BRD10: variants seen among roughly 807,000 people sequenced by gnomAD.
The protein encoded by BRD10 is uncharacterized bromodomain-containing protein 10.
the BRD10 span, among the ~76,000 whole-genome samples, chr9:5,907,759 C>A: frequency 1.3e-5 from 2 of 152,158 alleles, no homozygotes; most frequent in Non-Finnish European, 2.9e-5. Flanking sequence ...TCGAGACCAG[C>A]CTGGCAAACA....
At chr9:5,900,439 C>G in the BRD10 span, among the ~76,000 whole-genome samples, 1 of 152,158 alleles carries the variant, frequency 6.6e-6, no homozygotes, top group Admixed American at 6.5e-5. Flanking sequence ...GTTTGGAGAT[C>G]AGCAGTCTAA....
chr9:5,906,489 C>T, the BRD10 span, among the ~76,000 whole-genome samples: 1 of 152,220 alleles, frequency 6.6e-6, no homozygotes, highest in African/African-American at 2.4e-5. Context: ...CAAGGCAGGT[C>T]TACTGGCAAT....
chr9:5,903,024 T>C, the BRD10 span, among the ~76,000 whole-genome samples: 2 of 152,358 alleles, frequency 1.3e-5, no homozygotes, highest in South Asian at 2.1e-4. Flanking sequence ...TGATATCATA[T>C]TTTAATTTCA....
chr9:5,949,517 G>T, the BRD10 span, among the ~76,000 whole-genome samples: 1 of 152,206 alleles, frequency 6.6e-6, no homozygotes, highest in African/African-American at 2.4e-5. Flanking sequence ...TTAAGGATCA[G>T]TGAGTTTTTT....
the BRD10 span, among the ~76,000 whole-genome samples, chr9:5,954,865 C>T: frequency 6.6e-6 from 1 of 152,018 alleles, no homozygotes; most frequent in African/African-American, 2.4e-5. Context: ...CCAAGGCAGG[C>T]GGATCACCAG....
chr9:5,944,895 A>T, the BRD10 span: 1 of 1,540,000 alleles, frequency 6.5e-7, no homozygotes, highest in Non-Finnish European at 8.8e-7. Flanking sequence ...TGTTTTCCAG[A>T]TCTTTGAGTT....
chr9:5,975,845 G>A, the BRD10 span, among the ~76,000 whole-genome samples: 4 of 152,122 alleles, frequency 2.6e-5, no homozygotes, highest in Admixed American at 6.6e-5. Flanking sequence ...CAGTAATAAT[G>A]GTTAGTTTGG....
chr9:5,937,477 G>GT, the BRD10 span, among the ~76,000 whole-genome samples: 1 of 152,178 alleles, frequency 6.6e-6, no homozygotes, highest in Non-Finnish European at 1.5e-5. Context: ...AGAGGTTGCA[G>GT]TGAGCCGAGA....
chr9:5,911,062 C>A, the BRD10 span, among the ~76,000 whole-genome samples: 2 of 152,126 alleles, frequency 1.3e-5, no homozygotes, highest in Non-Finnish European at 2.9e-5. Flanking sequence ...CCTATTTGTC[C>A]ATTTTGGCTT....
At chr9:5,911,225 C>T in the BRD10 span, among the ~76,000 whole-genome samples, 1 of 152,122 alleles carries the variant, frequency 6.6e-6, no homozygotes, top group Admixed American at 6.5e-5. Flanking sequence ...TTGTATATGG[C>T]AAAAGATACG....
At chr9:5,904,725 A>C in the BRD10 span, among the ~76,000 whole-genome samples, 1 of 151,002 alleles carries the variant, frequency 6.6e-6, no homozygotes, top group Non-Finnish European at 1.5e-5. Flanking sequence ...TTGGCCTCCC[A>C]AAGTGCTAGG....
chr9:5,901,590 C>T, the BRD10 span, among the ~76,000 whole-genome samples: 1,397 of 152,200 alleles, frequency 9.2e-3, 17 homozygotes, highest in African/African-American at 0.032. Flanking sequence ...TCAATCTCAG[C>T]TTACTGTAAC....
At chr9:5,921,694 A>G in the BRD10 span, 2 of 1,613,884 alleles carry the variant, frequency 1.2e-6, no homozygotes, top group Admixed American at 3.3e-5. Flanking sequence ...TAGTTGGAGT[A>G]TGAATAATAT....
At chr9:5,900,761 G>C in the BRD10 span, among the ~76,000 whole-genome samples, 1 of 152,190 alleles carries the variant, frequency 6.6e-6, no homozygotes, top group African/African-American at 2.4e-5. Flanking sequence ...GCTGCTTTTT[G>C]TAGCAACAGG....
the BRD10 span, among the ~76,000 whole-genome samples, chr9:5,970,987 G>A: frequency 3.4e-4 from 50 of 147,122 alleles, no homozygotes; most frequent in South Asian, 9.0e-3. Flanking sequence ...GGGAGGCAGC[G>A]GTTACAGTGA....
the BRD10 span, among the ~76,000 whole-genome samples, chr9:6,002,189 G>A: frequency 1.3e-5 from 2 of 152,258 alleles, 1 homozygote; most frequent in Middle Eastern, 6.8e-3. Flanking sequence ...GTTGGGGGTG[G>A]GGACTGCCCC....
the BRD10 span, among the ~76,000 whole-genome samples, chr9:5,960,392 T>C: frequency 1.3e-5 from 2 of 152,002 alleles, no homozygotes; most frequent in African/African-American, 4.8e-5. Context: ...TGAAATCTCA[T>C]CTCTACTAAA....
chr9:5,904,214 C>T, the BRD10 span, among the ~76,000 whole-genome samples: 5 of 152,182 alleles, frequency 3.3e-5, no homozygotes, highest in South Asian at 8.3e-4. Flanking sequence ...AAGAGGGTTT[C>T]TTGTAGAGAA....
chr9:5,885,345 C>T, the BRD10 span, among the ~76,000 whole-genome samples: 6 of 152,058 alleles, frequency 3.9e-5, no homozygotes, highest in African/African-American at 1.2e-4. Flanking sequence ...AACAACTTGC[C>T]AGGCACTGTG....
Sources: gnomAD v4.1 joint callset for allele counts (sites outside exome capture counted in the v4.1 genomes callset) on GRCh38, gnomAD v4.1.1 for gene constraint, MANE v1.5 for transcripts, NCBI Gene and HGNC (gene_info 2026-07-23, HGNC 2026-07-21) for gene names.